RPS6KA5: variants seen among roughly 807,000 people sequenced by gnomAD.
RPS6KA5 encodes ribosomal protein S6 kinase alpha-5.
A neutral mutation model predicts 85.5 loss-of-function variants in RPS6KA5; 27 were observed. The ratio of observed to expected loss-of-function variants is 0.32; its 90% CI spans 0.23 to 0.44. RPS6KA5 has a LOEUF of 0.44. RPS6KA5 is among the 20% of genes least tolerant of loss of function. The pLI is 1.00. For missense variants in RPS6KA5, 811 were observed against 980.9 expected (o/e 0.83, Z 2.31); for synonymous variants, 334 against 348.2 (o/e 0.96, Z 0.46).
rs556471293 is a variant in RPS6KA5 at position 90,934,390 on chromosome 14, T to C, written c.618+8688A>G. ...TATAAACATTTATTATTCACATTTA[T>C]GAATTCTTATTATTCTAGGATATCT... On this transcript the variant is annotated intron_variant, in intron 5 of 16. Coordinates refer to ENST00000614987, the MANE Select transcript of RPS6KA5 (RefSeq NM_004755.4). 5.9e-5 allele frequency among the ~76,000 whole-genome samples: 9 copies of C among 152,354 alleles called. No homozygotes were observed. In the South Asian group the frequency reaches 1.9e-3, roughly 32 times the overall value.
At chr14:90,976,632 A>G (rs1419941842) in intron 3 of RPS6KA5, among the ~76,000 whole-genome samples, 1 of 152,200 alleles carries the variant, frequency 6.6e-6, no homozygotes, top group Non-Finnish European at 1.5e-5. Flanking sequence ...TACTGAAGAC[A>G]TATATATCAA....
chr14:90,885,849 T>C (rs2034190019), intron 14 of RPS6KA5, among the ~76,000 whole-genome samples: 1 of 151,166 alleles, frequency 6.6e-6, no homozygotes, highest in Non-Finnish European at 1.5e-5. Flanking sequence ...CAACAGGTTG[T>C]TGGGTGAAAA....
chr14:90,999,819 A>G (rs1014028158), intron 2 of RPS6KA5, among the ~76,000 whole-genome samples: 1 of 152,218 alleles, frequency 6.6e-6, no homozygotes, highest in African/African-American at 2.4e-5. Context: ...ATCCCCCTTA[A>G]GTCAGCCCTG....
chr14:90,906,083 C>A, intron 8 of RPS6KA5, 66 bp downstream of exon 8: 1 of 1,433,112 alleles, frequency 7.0e-7, no homozygotes. Flanking sequence ...CTAATTTCAC[C>A]AAGAACGCCA....
At chr14:90,943,048 A>T in intron 5 of RPS6KA5, 30 bp downstream of exon 5, 1 of 1,216,868 alleles carries the variant, frequency 8.2e-7, no homozygotes, top group Non-Finnish European at 1.2e-6. Context: ...ACATGCTGTT[A>T]TTACTAACTT....
Position 90,897,844 on chromosome 14 carries a change from G to T in RPS6KA5, c.1473+1485C>A, listed in dbSNP as rs2034925208. Among the ~76,000 whole-genome samples, 4 of 152,282 alleles carry T rather than the reference G, an allele frequency of 2.6e-5. No individual in the cohort carries two copies. The South Asian group carries it at 8.3e-4, about 32-fold the overall frequency. ...AAGATCACCCGTTGATTCCTTGAAT[G>T]ATGTGAATTTCCTCTATATCATCTT... On this transcript the variant is annotated intron_variant, in intron 12 of 16. Coordinates refer to ENST00000614987, the MANE Select transcript of RPS6KA5 (RefSeq NM_004755.4).
intron 1 of RPS6KA5, among the ~76,000 whole-genome samples, chr14:91,045,869 T>A (rs1054108879): frequency 6.6e-6 from 1 of 152,182 alleles, no homozygotes; most frequent in Non-Finnish European, 1.5e-5. Context: ...CCATTTCCTG[T>A]GACTCTCCTG....
At chr14:90,957,610 T>C (rs1245054418) in intron 3 of RPS6KA5, among the ~76,000 whole-genome samples, 3 of 152,162 alleles carry the variant, frequency 2.0e-5, no homozygotes, top group African/African-American at 7.2e-5. Flanking sequence ...TATTTTGTTT[T>C]CAATAATGCT....
At position 90,872,103 on chromosome 14, in the gene RPS6KA5, G is replaced by A. The variant is rs768603375; in HGVS notation, c.2380C>T (p.Leu794Phe). The A allele has an allele frequency of 1.2e-5, 20 of 1,613,600 alleles. No homozygotes were observed. The highest frequency in any genetic ancestry group is 2.2e-5 in the South Asian group (2 of 91,008). Reference protein sequence around the residue: ...NPADSNNPETLFQFSDSVA With the variant: ...NPADSNNPETFFQFSDSVA ...GCTACTGAGTCCGAGAACTGGAAGA[G>A]GGTCTCCGGGTTATTGCTGTCGGCA... The change falls in exon 17 of 17, where the codon CTC (leucine) becomes TTC (phenylalanine). Residue 794 changes from leucine (L) to phenylalanine (F), a missense_variant. Leu to Phe is a conservative substitution (Grantham distance 22). This residue lies in a region of RPS6KA5 where 650 missense variants were observed against 793.4 expected (regional missense o/e 0.82). Coordinates refer to ENST00000614987, the MANE Select transcript of RPS6KA5 (RefSeq NM_004755.4).
At chr14:90,974,211 T>G (rs776093305) in intron 3 of RPS6KA5, among the ~76,000 whole-genome samples, 16 of 152,152 alleles carry the variant, frequency 1.1e-4, no homozygotes, top group Non-Finnish European at 2.1e-4. Flanking sequence ...TGATATAACA[T>G]GAAATACATA....
chr14:90,923,534 T>C (rs2036511867), intron 5 of RPS6KA5, among the ~76,000 whole-genome samples: 1 of 152,170 alleles, frequency 6.6e-6, no homozygotes, highest in Non-Finnish European at 1.5e-5. Context: ...CAGTTGCTGA[T>C]TTAACCCTTT....
At chr14:91,004,892 C>A (rs1014712523) in intron 1 of RPS6KA5, among the ~76,000 whole-genome samples, 1 of 151,516 alleles carries the variant, frequency 6.6e-6, no homozygotes, top group Admixed American at 6.6e-5. Flanking sequence ...GGCCTGAACC[C>A]GGGAGGCGGA....
intron 1 of RPS6KA5, among the ~76,000 whole-genome samples, chr14:91,010,148 G>T (rs2041196998): frequency 6.6e-6 from 1 of 151,632 alleles, no homozygotes; most frequent in Non-Finnish European, 1.5e-5. Context: ...CTAAATTTTT[G>T]AAAGTTTACT....
At position 90,854,654 on chromosome 14, in the gene RPS6KA5, C is replaced by T. The variant is rs771394830; in HGVS notation, c.*17420G>A. 15 of 152,224 alleles carry T rather than the reference C, an allele frequency of 9.9e-5. No individual in the cohort carries two copies. Among genetic ancestry groups the T allele is most frequent in the Admixed American group, 3.9e-4 (6 of 15,298 alleles). 9.4% of individuals were successfully genotyped at this position (152,224 alleles called of 1,614,324 possible). ...AGACTTTACTCAAATATCTAAAAGA[C>T]GTATCAGACTCACTCAGTAAAAAAT... On this transcript the variant is annotated 3_prime_UTR_variant, in exon 17 of 17. Transcript: ENST00000614987.
At chr14:91,004,734 G>A (rs1393337208) in intron 1 of RPS6KA5, among the ~76,000 whole-genome samples, 1 of 151,918 alleles carries the variant, frequency 6.6e-6, no homozygotes, top group Non-Finnish European at 1.5e-5. Flanking sequence ...TTGGGAGGCC[G>A]AGGCGGGTGG....
chr14:90,898,879 C>T (rs1298560817), intron 12 of RPS6KA5, among the ~76,000 whole-genome samples: 1 of 152,218 alleles, frequency 6.6e-6, no homozygotes, highest in Non-Finnish European at 1.5e-5. Context: ...TTGCTTTCTG[C>T]TTCCTATTTG....
chr14:91,041,925 G>C (rs867435715), intron 1 of RPS6KA5, among the ~76,000 whole-genome samples: 2 of 152,116 alleles, frequency 1.3e-5, no homozygotes, highest in Non-Finnish European at 2.9e-5. Flanking sequence ...TGCTTATAAA[G>C]CAGTAACAAA....
chr14:90,942,394 C>G (rs1447592852), intron 5 of RPS6KA5, among the ~76,000 whole-genome samples: 2 of 152,136 alleles, frequency 1.3e-5, no homozygotes, highest in Non-Finnish European at 2.9e-5. Flanking sequence ...ACTTAGTTAT[C>G]TTGAATAACT....
chr14:91,023,084 A>T (rs980919294), intron 1 of RPS6KA5, among the ~76,000 whole-genome samples: 204 of 147,500 alleles, frequency 1.4e-3, no homozygotes, highest in African/African-American at 4.4e-3. Flanking sequence ...ACTCTATCTA[A>T]AAAAAAAAAA....
Sources: gnomAD v4.1 joint callset for allele counts (sites outside exome capture counted in the v4.1 genomes callset) on GRCh38, gnomAD v4.1.1 for gene constraint, gnomAD v4.1.1 regional missense constraint, MANE v1.5 for transcripts, NCBI Gene and HGNC (gene_info 2026-07-23, HGNC 2026-07-21) for gene names.